Variants in HEPH observed in about 807,000 individuals in gnomAD.
HEPH encodes hephaestin.
Under a neutral mutation model 80.8 loss-of-function variants are expected in HEPH, and 69 were observed. That is an observed-to-expected ratio of 0.85 (90% CI 0.70 to 1.04). HEPH has a LOEUF of 1.04. HEPH is among the 50% of genes least tolerant of loss of function. The pLI is 0.00. For synonymous variants in HEPH, 431 were observed against 322.8 expected, an observed-to-expected ratio of 1.34 and a Z score of -3.60; for missense variants, 1,115 against 891.3, an observed-to-expected ratio of 1.25 and a Z score of -3.20.
chrX:66,221,545 A>C (rs952601836), intron 15 of HEPH, among the ~76,000 whole-genome samples: 1 of 112,509 alleles, frequency 8.9e-6, no homozygotes, highest in African/African-American at 3.2e-5. Flanking sequence ...GCCCTTAGAC[A>C]TGGGGGCCAG....
intron 13 of HEPH, 115 bp downstream of exon 13, chrX:66,203,692 A>G: frequency 1.7e-6 from 1 of 575,665 alleles, no homozygotes; most frequent in Non-Finnish European, 2.7e-6. Context: ...TGATACCAAC[A>G]GATTTGGGAG....
chrX:66,203,711 A>G (rs1569329711), intron 13 of HEPH, 134 bp downstream of exon 13: 2 of 509,666 alleles, frequency 3.9e-6, no homozygotes, highest in African/African-American at 4.8e-5. Context: ...AGATGGGGCT[A>G]TAATGCAGCT....
chrX:66,178,789 GTTGT>G (rs903984908), intron 4 of HEPH, among the ~76,000 whole-genome samples: 6 of 112,056 alleles, frequency 5.4e-5, no homozygotes, highest in African/African-American at 1.6e-4. Flanking sequence ...TTTTGATGGG[GTTGT>G]TTATTTTTTT....
At chrX:66,217,772 A>T (rs1431500226) in intron 15 of HEPH, among the ~76,000 whole-genome samples, 1 of 111,932 alleles carries the variant, frequency 8.9e-6, no homozygotes, top group Non-Finnish European at 1.9e-5. Context: ...CCAACTAAGT[A>T]TCTACTGTCT....
At chrX:66,179,987 G>A (rs2087016462) in intron 4 of HEPH, among the ~76,000 whole-genome samples, 1 of 111,018 alleles carries the variant, frequency 9.0e-6, no homozygotes, top group African/African-American at 3.3e-5. Context: ...TGTGTTAGGT[G>A]AGTCTCCTGA....
At chrX:66,239,535 A>C (rs2090489642) in intron 15 of HEPH, among the ~76,000 whole-genome samples, 2 of 111,511 alleles carry the variant, frequency 1.8e-5, no homozygotes, top group Non-Finnish European at 1.9e-5. Context: ...TCTATGTGAT[A>C]ATTACTTTCA....
chrX:66,248,686 G>A (rs777613904), intron 15 of HEPH, among the ~76,000 whole-genome samples: 2 of 112,228 alleles, frequency 1.8e-5, no homozygotes, highest in South Asian at 7.3e-4. Context: ...TTTTTCTGTA[G>A]CACTTCAAAC....
At chrX:66,245,152 G>A (rs2090754214) in intron 15 of HEPH, among the ~76,000 whole-genome samples, 1 of 110,869 alleles carries the variant, frequency 9.0e-6, no homozygotes, top group Admixed American at 9.6e-5. Flanking sequence ...ATGTAAATGG[G>A]CTAAATGCTC....
chrX:66,229,552 G>A (rs1380175202), intron 15 of HEPH, among the ~76,000 whole-genome samples: 1 of 111,203 alleles, frequency 9.0e-6, no homozygotes, highest in Non-Finnish European at 1.9e-5. Context: ...CACCACTAAA[G>A]AACTCATTCA....
At chrX:66,234,231 G>A (rs1028506167) in intron 15 of HEPH, among the ~76,000 whole-genome samples, 4 of 111,050 alleles carry the variant, frequency 3.6e-5, no homozygotes, top group African/African-American at 1.3e-4. Context: ...TTTCTGCCAA[G>A]GACATGATCT....
chrX:66,260,397 T>C (rs2091321940), intron 19 of HEPH, 135 bp downstream of exon 19: 2 of 461,956 alleles, frequency 4.3e-6, no homozygotes, highest in Non-Finnish European at 7.3e-6. Context: ...GAGCATAGCC[T>C]CCCTCTAGGT....
chrX:66,193,573 C>A lies in HEPH; in HGVS notation c.1304C>A (p.Ala435Asp). The change falls in exon 8 of 21, where the codon GCC becomes GAC. Residue 435 changes from alanine (A) to aspartate (D), a missense_variant. This residue lies in a region of HEPH where 391 missense variants were observed against 343.6 expected (regional missense o/e 1.14). Transcript: ENST00000343002. Reference sequence around the variant, plus strand: ...ACTTACTGGAAAGTGCGATATGAAGCCTTTCAAGATGAGACATTCCAAGAG... The same window carrying A: ...ACTTACTGGAAAGTGCGATATGAAGACTTTCAAGATGAGACATTCCAAGAG... ...GGTYWKVRYE[A>D]FQDETFQEKM... is the part of the protein sequence containing the mutation. 1.7e-6 allele frequency: 2 copies of A among 1,191,031 alleles called. No homozygotes were observed. The highest frequency in any genetic ancestry group is 2.3e-6 in the Non-Finnish European group (2 of 880,592).
chrX:66,255,683 G>T (rs1234651199), intron 16 of HEPH, among the ~76,000 whole-genome samples: 1 of 111,496 alleles, frequency 9.0e-6, no homozygotes, highest in Non-Finnish European at 1.9e-5. Context: ...CAAAGAGTAT[G>T]GTCTAGTTGA....
chrX:66,252,242 T>A (rs1049328016), intron 15 of HEPH, among the ~76,000 whole-genome samples: 1 of 111,375 alleles, frequency 9.0e-6, no homozygotes, highest in African/African-American at 3.3e-5. Context: ...GAGGAGAAGG[T>A]TTGGGGGAAA....
intron 15 of HEPH, 68 bp from the exon 16 acceptor site, chrX:66,254,967 G>A (rs1023464154): frequency 3.1e-6 from 2 of 649,664 alleles, no homozygotes; most frequent in Admixed American, 2.5e-5. Context: ...ACTGCCTCTT[G>A]GGGAGACCTG....
chrX:66,266,268 T>A (rs2091532089), intron 20 of HEPH, among the ~76,000 whole-genome samples, 172 bp from the exon 21 acceptor site: 2 of 111,283 alleles, frequency 1.8e-5, no homozygotes, highest in Middle Eastern at 4.6e-3. Context: ...CATCATGTTT[T>A]CTTGATTCTC....
chrX:66,256,141 T>C lies in HEPH; in HGVS notation c.2707T>C (p.Cys903Arg). 8.3e-7 allele frequency: 1 copy of C among 1,210,967 alleles called. No homozygotes were observed. The highest frequency in any genetic ancestry group is 1.1e-6 in the Non-Finnish European group (1 of 894,744). ...TGGCCTGGTGGGGCCCTTGGCTATC[T>C]GCCAAAAGGGCATCCTGGAGCCCCA... ...YSGLVGPLAICQKGILEPHGG... is the reference protein window; with the variant it reads ...YSGLVGPLAIRQKGILEPHGG... The change falls in exon 17 of 21, where the codon TGC (cysteine) becomes CGC (arginine). Residue 903 changes from cysteine (C) to arginine (R), a missense_variant. Physicochemically the swap from Cys to Arg is radical, Grantham distance 180. This residue lies in a region of HEPH where 716 missense variants were observed against 523.5 expected (regional missense o/e 1.37). Coordinates refer to ENST00000343002, the MANE Select transcript of HEPH (RefSeq NM_001367233.3).
At chrX:66,240,608 GAAAAT>G (rs1334482271) in intron 15 of HEPH, among the ~76,000 whole-genome samples, 1 of 107,110 alleles carries the variant, frequency 9.3e-6, no homozygotes, top group Non-Finnish European at 1.9e-5. Context: ...AAAAAACAGA[GAAAAT>G]AAAATGAAAT....
chrX:66,266,342 T>G, intron 20 of HEPH, 98 bp from the exon 21 acceptor site: 4 of 595,134 alleles, frequency 6.7e-6, no homozygotes, highest in Non-Finnish European at 1.1e-5. Context: ...TCCTGTCCTA[T>G]TTGGATTGAC....
Sources: allele counts gnomAD v4.1 joint callset (sites outside exome capture counted in the v4.1 genomes callset), GRCh38; gene constraint gnomAD v4.1.1; regional missense constraint gnomAD v4.1.1; transcripts MANE v1.5; gene names NCBI Gene and HGNC (gene_info 2026-07-23, HGNC 2026-07-21).